ERC1: variants seen among roughly 807,000 people sequenced by gnomAD.
ERC1 encodes RAB6 interacting protein 2.
A neutral mutation model predicts 132.0 loss-of-function variants in ERC1; 56 were observed. That is an observed-to-expected ratio of 0.42 (90% CI 0.34 to 0.53). The LOEUF (loss-of-function observed/expected upper bound fraction) is 0.53, where lower values mean the gene tolerates loss of function less well. Ranked by LOEUF, ERC1 falls within the 20% of genes least tolerant of loss-of-function variation. The pLI, the probability that ERC1 is intolerant of heterozygous loss-of-function variation, is 0.03. For missense variants in ERC1, 1,202 were observed against 1,349.9 expected, an observed-to-expected ratio of 0.89 and a Z score of 1.72; for synonymous variants, 478 against 476.1, an observed-to-expected ratio of 1.00 and a Z score of -0.05.
At position 1,438,581 on chromosome 12, in the gene ERC1, G is replaced by T. The variant is rs143848412; in HGVS notation, c.3025-5981G>T. 6.6e-5 allele frequency among the ~76,000 whole-genome samples: 10 copies of T among 152,118 alleles called. No homozygotes were observed. In the South Asian group the frequency reaches 2.1e-3, roughly 31 times the overall value. On this transcript the variant is annotated intron_variant, in intron 17 of 18. Coordinates refer to ENST00000360905, the MANE Select transcript of ERC1 (RefSeq NM_178040.4). Reference sequence around the variant, plus strand: ...GCTCTGAGCTAGCCACAGAAGAATCGTAGTAGATATAAAAATAATTTGCCA... The same window carrying T: ...GCTCTGAGCTAGCCACAGAAGAATCTTAGTAGATATAAAAATAATTTGCCA...
intron 14 of ERC1, among the ~76,000 whole-genome samples, chr12:1,286,322 T>G (rs1304442603): frequency 1.3e-5 from 2 of 149,878 alleles, no homozygotes; most frequent in Non-Finnish European, 3.0e-5. Context: ...GAAAACTAAT[T>G]ACTATAATCC....
chr12:1,153,889 A>C (rs1040097641), intron 8 of ERC1, among the ~76,000 whole-genome samples: 2 of 151,936 alleles, frequency 1.3e-5, no homozygotes, highest in African/African-American at 2.4e-5. Context: ...TTTTTTTGTT[A>C]ATTAATAACT....
chr12:991,149 G>A (rs560154117), upstream of ERC1: 4 of 150,202 alleles, frequency 2.7e-5, no homozygotes, highest in East Asian at 8.1e-4. Flanking sequence ...AGCCCGGGGA[G>A]GCGCGCTGCG....
chr12:1,092,956 A>T (rs546977642), intron 3 of ERC1, among the ~76,000 whole-genome samples: 1 of 152,304 alleles, frequency 6.6e-6, no homozygotes, highest in South Asian at 2.1e-4. Flanking sequence ...ACTCTGCCTC[A>T]AAAACAAACA....
At chr12:1,471,985 G>A (rs1284483523) in intron 18 of ERC1, among the ~76,000 whole-genome samples, 1 of 152,170 alleles carries the variant, frequency 6.6e-6, no homozygotes, top group Non-Finnish European at 1.5e-5. Flanking sequence ...TGAGACCTCA[G>A]CTGTCTTACT....
intron 16 of ERC1, among the ~76,000 whole-genome samples, chr12:1,375,834 T>G (rs1301902956): frequency 6.7e-6 from 1 of 150,212 alleles, no homozygotes; most frequent in Non-Finnish European, 1.5e-5. Context: ...ACCTCCTAGG[T>G]TGAAGCAATT....
At chr12:1,198,409 A>G (rs1396506453) in intron 12 of ERC1, among the ~76,000 whole-genome samples, 3 of 152,232 alleles carry the variant, frequency 2.0e-5, no homozygotes, top group Non-Finnish European at 4.4e-5. Flanking sequence ...GAAAACCAAA[A>G]TATTGCACTG....
At chr12:1,156,560 C>T (rs1240220643) in intron 8 of ERC1, among the ~76,000 whole-genome samples, 1 of 152,176 alleles carries the variant, frequency 6.6e-6, no homozygotes, top group Non-Finnish European at 1.5e-5. Context: ...AGTAGTATAA[C>T]GCATAATGAC....
intron 17 of ERC1, among the ~76,000 whole-genome samples, chr12:1,413,600 A>C (rs569228994): frequency 2.6e-5 from 4 of 151,644 alleles, no homozygotes; most frequent in Non-Finnish European, 5.9e-5. Flanking sequence ...TCCAAAAAAA[A>C]GAAAAGGTAA....
chr12:1,239,242 A>G (rs1221063830), intron 13 of ERC1, among the ~76,000 whole-genome samples: 1 of 152,026 alleles, frequency 6.6e-6, no homozygotes, highest in African/African-American at 2.4e-5. Flanking sequence ...TTTTGTAGAG[A>G]CAAAGTCTCA....
chr12:1,390,606 G>A (rs2089872345), intron 16 of ERC1: 1 of 152,170 alleles, frequency 6.6e-6, no homozygotes, highest in Admixed American at 6.5e-5. Context: ...AGCATGCTTA[G>A]GATGCCCAAA....
chr12:1,426,133 C>T (rs1317627462), intron 17 of ERC1, among the ~76,000 whole-genome samples: 6 of 142,114 alleles, frequency 4.2e-5, no homozygotes, highest in African/African-American at 7.9e-5. Flanking sequence ...GATGGAGCTT[C>T]GCTCTTATTG....
At chr12:1,467,685 A>G (rs985898294) in intron 18 of ERC1, among the ~76,000 whole-genome samples, 1 of 152,212 alleles carries the variant, frequency 6.6e-6, no homozygotes, top group African/African-American at 2.4e-5. Context: ...TTATTATTCC[A>G]TTGTAATATA....
chr12:1,390,734 C>G (rs930980057), intron 16 of ERC1: 2 of 152,198 alleles, frequency 1.3e-5, no homozygotes, highest in Non-Finnish European at 2.9e-5. Context: ...TCACTATGGT[C>G]AAATTACTAC....
In ERC1 at chr12:1,289,854, G is replaced by C; in HGVS notation, c.2622G>C (p.Val874=). Residue 874 remains valine, a splice_region_variant and synonymous_variant, in exon 15 of 19, where the codon GTG becomes GTC. Coordinates refer to ENST00000360905, the MANE Select transcript of ERC1 (RefSeq NM_178040.4). ...TCTCTTTCCCATATTTATGATAGGTGGAGGAGTTACTGATGGCCATGGAGA... is the reference window on the plus strand; with the variant it reads ...TCTCTTTCCCATATTTATGATAGGTCGAGGAGTTACTGATGGCCATGGAGA... ...ESARTNAEKQ[V]EELLMAMEKV... The C allele has an allele frequency of 6.2e-7, 1 of 1,612,890 alleles. No individual in the cohort carries two copies. Among genetic ancestry groups the C allele is most frequent in the Non-Finnish European group, 8.5e-7 (1 of 1,178,956 alleles).
intron 17 of ERC1, among the ~76,000 whole-genome samples, chr12:1,434,354 T>C (rs979225960): frequency 1.3e-5 from 2 of 152,092 alleles, no homozygotes; most frequent in African/African-American, 4.8e-5. Context: ...AGCTTAACTT[T>C]TTCCTTTCTC....
At chr12:1,151,699 A>C (rs1950851685) in intron 8 of ERC1, 1 of 152,088 alleles carries the variant, frequency 6.6e-6, no homozygotes, top group Non-Finnish European at 1.5e-5. Context: ...CCATGTTTCT[A>C]CCTAACGCTG....
intron 15 of ERC1, among the ~76,000 whole-genome samples, chr12:1,340,551 G>A (rs570988997): frequency 1.7e-4 from 26 of 152,168 alleles, no homozygotes; most frequent in East Asian, 9.7e-4. Context: ...AGTACAACTC[G>A]CTCATTCCCT....
chr12:1,468,817 T>TG (rs964455605), intron 18 of ERC1, among the ~76,000 whole-genome samples: 1 of 152,196 alleles, frequency 6.6e-6, no homozygotes, highest in Admixed American at 6.5e-5. Flanking sequence ...ATAATGAAGC[T>TG]GAGGACAGAG....
Sources: allele counts gnomAD v4.1 joint callset (sites outside exome capture counted in the v4.1 genomes callset), GRCh38; gene constraint gnomAD v4.1.1; transcripts MANE v1.5; gene names NCBI Gene and HGNC (gene_info 2026-07-23, HGNC 2026-07-21).